KMT2D: variants seen among roughly 807,000 people sequenced by gnomAD.
KMT2D encodes lysine methyltransferase 2D, also known as histone-lysine N-methyltransferase 2D.
Under a neutral mutation model 512.7 loss-of-function variants are expected in KMT2D, and 55 were observed. The observed-to-expected ratio is 0.11, with a 90% confidence interval of 0.09 to 0.13. The LOEUF (loss-of-function observed/expected upper bound fraction) is 0.13. KMT2D is among the 10% of genes least tolerant of loss of function. The probability of loss-of-function intolerance (pLI) is 1.00; values close to 1 mark genes in which losing one functional copy is unlikely to be tolerated. For missense variants in KMT2D, 6,061 were observed against 7,127.9 expected (o/e 0.85, Z 5.39); for synonymous variants, 2,995 against 2,904.0 (o/e 1.03, Z -1.01).
rs1420061777 is a variant in KMT2D at position 49,029,175 on chromosome 12, T to C, written c.14137A>G (p.Ser4713Gly). The change falls in exon 45 of 55, where the codon AGC (serine) becomes GGC (glycine). Residue 4713 changes from serine (S) to glycine (G), a missense_variant. Ser to Gly is a moderately conservative substitution (Grantham distance 56, BLOSUM62 0). Transcript: ENST00000301067. ...CGAGGGGCCTCCTCCCCCAAGATGCTCTCAGGGGATGAAGCTGGCACAATG... is the reference window on the plus strand; with the variant it reads ...CGAGGGGCCTCCTCCCCCAAGATGCCCTCAGGGGATGAAGCTGGCACAATG... ...DSIVPASSPE[S>G]ILGEEAPRFP... is the part of the protein sequence containing the mutation. The C allele has an allele frequency of 2.5e-6, 4 of 1,613,742 alleles. No individual in the cohort carries two copies. The highest frequency in any genetic ancestry group is 1.7e-5 in the Admixed American group (1 of 59,988).
chr12:49,052,502 A>G, intron 10 of KMT2D, 62 bp downstream of exon 10: 1 of 1,587,564 alleles, frequency 6.3e-7, no homozygotes, highest in East Asian at 2.2e-5. Context: ...GGCAATGCAC[A>G]AACTGTCTCT....
rs587778472 is a variant in KMT2D, at chr12:49,038,661, C to T, written c.8695G>A (p.Gly2899Ser). The change falls in exon 35 of 55, where the codon GGC becomes AGC. Residue 2899 changes from glycine (G) to serine (S), a missense_variant. Physicochemically the swap from Gly to Ser is moderately conservative, Grantham distance 56 (BLOSUM62 0). Coordinates refer to ENST00000301067, the MANE Select transcript of KMT2D (RefSeq NM_003482.4). The surrounding 1 kb of genome is among the most constrained non-coding windows in gnomAD (Gnocchi z 5.7). ...GPGGTPFPGQ[G>S]PPQRPRFYPV... Reference sequence around the variant, plus strand: ...TAAAAACGGGGTCTCTGAGGTGGGCCCTGACCAGGAAACGGAGTGCCCCCA... The same window carrying T: ...TAAAAACGGGGTCTCTGAGGTGGGCTCTGACCAGGAAACGGAGTGCCCCCA... 24 of 1,612,930 alleles carry T rather than the reference C, an allele frequency of 1.5e-5. No homozygotes were observed. The highest frequency in any genetic ancestry group is 3.3e-4 in the Middle Eastern group (2 of 6,062).
chr12:49,027,180 G>T lies in KMT2D; in HGVS notation c.14786C>A (p.Pro4929His), dbSNP rs2120369125. The part of the protein sequence containing the change: ...SPLAPSPASP[P>H]TEPLVELPTE... ...GGGAAGTTCAACCAAGGGCTCAGTAGGGGGACTGGCAGGAGAAGGTGCCAA... is the reference window on the plus strand; with the variant it reads ...GGGAAGTTCAACCAAGGGCTCAGTATGGGGACTGGCAGGAGAAGGTGCCAA... The change falls in exon 49 of 55, where the codon CCT becomes CAT. Residue 4929 changes from proline (P) to histidine (H), a missense_variant. This residue lies in a region of KMT2D where 1,600 missense variants were observed against 1,754.9 expected (regional missense o/e 0.91). Transcript: ENST00000301067. 2 of 1,552,282 alleles carry T rather than the reference G, an allele frequency of 1.3e-6. No homozygotes were observed. Among genetic ancestry groups the T allele is most frequent in the Middle Eastern group, 1.7e-4 (1 of 5,728 alleles).
At chr12:49,059,286 T>C (rs1436673134) in intron 1 of KMT2D, among the ~76,000 whole-genome samples, 3 of 152,030 alleles carry the variant, frequency 2.0e-5, no homozygotes, top group African/African-American at 4.8e-5. Context: ...CAGCCTGGGA[T>C]TGGTGCTGGC....
In KMT2D at chr12:49,019,120, G is replaced by C; in HGVS notation, c.*2660C>G. The stretch of plus-strand genomic sequence containing the variant: ...TACAAAACATGCCAAGGACAGGGGC[G>C]CTGAGGGTGGAGGGAGAGAGGGCGC... On this transcript the variant is annotated 3_prime_UTR_variant, in exon 55 of 55. Coordinates refer to ENST00000301067, the MANE Select transcript of KMT2D (RefSeq NM_003482.4). 2.6e-6 allele frequency: 3 copies of C among 1,160,384 alleles called. No individual in the cohort carries two copies. Among genetic ancestry groups the C allele is most frequent in the Non-Finnish European group, 3.2e-6 (3 of 937,490 alleles). The allele number at this position is 1,160,384 out of a possible 1,614,324, so 71.9% of individuals were successfully genotyped here.
In KMT2D at chr12:49,044,061, G is replaced by GAC; in HGVS notation, c.5189-65_5189-64dup. 1 of 1,606,004 alleles carries GAC rather than the reference G, an allele frequency of 6.2e-7. No individual in the cohort carries two copies. The highest frequency in any genetic ancestry group is 8.5e-7 in the Non-Finnish European group (1 of 1,175,654). On this transcript the variant is annotated intron_variant, in intron 22 of 54. Coordinates refer to ENST00000301067, the MANE Select transcript of KMT2D (RefSeq NM_003482.4). This position sits in a 1 kb window ranked among gnomAD's most constrained non-coding sequence, Gnocchi z 6.4. ...GCATGCTGCTCCCAACTTGCAGGGTGACACTTTGTGCCTACTCTCTCCCAC... is the reference window on the plus strand; with the variant it reads ...GCATGCTGCTCCCAACTTGCAGGGTGACACACTTTGTGCCTACTCTCTCCCAC...
At position 49,031,110 on chromosome 12, in the gene KMT2D, C is replaced by T. The variant is rs2120415916; in HGVS notation, c.13530+65G>A. On this transcript the variant is annotated intron_variant, in intron 40 of 54. Coordinates refer to ENST00000301067, the MANE Select transcript of KMT2D (RefSeq NM_003482.4). ...ATCTCTTCTGTCTGACCCAGGCTCA[C>T]TCATTCTGCCCCCCGCTGGCTCTAG... 19 of 1,610,716 alleles carry T rather than the reference C, an allele frequency of 1.2e-5. No homozygotes were observed. In the South Asian group the frequency reaches 2.1e-4, roughly 18 times the overall value.
At position 49,052,130 on chromosome 12, in the gene KMT2D, G is replaced by A. The variant is rs374041240; in HGVS notation, c.1553C>T (p.Ser518Leu). 1.2e-5 allele frequency: 19 copies of A among 1,612,976 alleles called. No individual in the cohort carries two copies. The highest frequency in any genetic ancestry group is 3.3e-4 in the Middle Eastern group (2 of 6,074). ...ESSPFSPLEE[S>L]PLSPPEESPP... is the part of the protein sequence containing the mutation. The stretch of plus-strand genomic sequence containing the variant: ...TGACTCTTCCGGTGGAGACAAGGGC[G>A]ACTCCTCCAGTGGAGAAAAAGGTGA... Residue 518 changes from serine (S) to leucine (L), a missense_variant, in exon 11 of 55, where the codon TCG becomes TTG. Ser to Leu is a moderately radical substitution (Grantham distance 145). This residue lies in a region of KMT2D where 848 missense variants were observed against 838.5 expected (regional missense o/e 1.01). Coordinates refer to ENST00000301067, the MANE Select transcript of KMT2D (RefSeq NM_003482.4).
At position 49,045,127 on chromosome 12, in the gene KMT2D, GGCCCGAGTTCTCTGTCAGT is replaced by G. The variant is rs958833379; in HGVS notation, c.4742-181_4742-163del. Among the ~76,000 whole-genome samples, 10 of 152,322 alleles carry G rather than the reference GGCCCGAGTTCTCTGTCAGT, an allele frequency of 6.6e-5. No individual in the cohort carries two copies. In the South Asian group the frequency reaches 1.7e-3, roughly 25 times the overall value. On this transcript the variant is annotated intron_variant, in intron 19 of 54. Coordinates refer to ENST00000301067, the MANE Select transcript of KMT2D (RefSeq NM_003482.4). ...CAGGCCACCAAGGGGCACTGGCTGAGGCCCGAGTTCTCTGTCAGTGACCCAGGGAGATTCAGAGAGGAAC... is the reference window on the plus strand; with the variant it reads ...CAGGCCACCAAGGGGCACTGGCTGAGGACCCAGGGAGATTCAGAGAGGAAC...
chr12:49,051,128 G>T lies in KMT2D; in HGVS notation c.2555C>A (p.Ser852Tyr), dbSNP rs1390987389. ...LSPRPEESHL[S>Y]PELEKPPLSP... ...CAGGGGTGGCTTCTCAAGCTCAGGG[G>T]ACAGATGCGATTCCTCAGGCCGGGG... The change falls in exon 11 of 55, where the codon TCC becomes TAC. Residue 852 changes from serine to tyrosine, a missense_variant. By Grantham distance (144) the Ser-to-Tyr change is moderately radical (BLOSUM62 -2). Transcript: ENST00000301067. The T allele has an allele frequency of 3.0e-5, 45 of 1,521,586 alleles. No homozygotes were observed. Among genetic ancestry groups the T allele is most frequent in the Non-Finnish European group, 3.7e-5 (42 of 1,135,750 alleles). The allele number at this position is 1,521,586 out of a possible 1,614,324, so 94.3% of individuals were successfully genotyped here.
rs772721960 is a variant in KMT2D, at chr12:49,044,542, A to C, written c.4964-20T>G. ...CACCACCTGCGTATGGTGACAGAAG[A>C]GATGGAGGCAAATCAGAACTATAGG... On this transcript the variant is annotated intron_variant, in intron 20 of 54. Coordinates refer to ENST00000301067, the MANE Select transcript of KMT2D (RefSeq NM_003482.4). The surrounding 1 kb of genome is among the most constrained non-coding windows in gnomAD (Gnocchi z 6.4). The C allele has an allele frequency of 7.4e-6, 12 of 1,612,402 alleles. No individual in the cohort carries two copies. The Admixed American group carries it at 1.0e-4, about 13-fold the overall frequency.
At chr12:49,030,480 A>G in intron 42 of KMT2D, 41 bp from the exon 43 acceptor site, 7 of 1,331,322 alleles carry the variant, frequency 5.3e-6, no homozygotes, top group Non-Finnish European at 7.4e-6. Flanking sequence ...AAGATGGCAT[A>G]GGGAGACTGA....
In KMT2D at chr12:49,030,643, C is replaced by T. The variant is rs727503980; in HGVS notation, c.13797G>A (p.Ala4599=). 4.4e-6 allele frequency: 7 copies of T among 1,606,002 alleles called. No homozygotes were observed. Among genetic ancestry groups the T allele is most frequent in the East Asian group, 2.2e-5 (1 of 44,754 alleles). The change falls in exon 42 of 55, where the codon GCG becomes GCA. Residue 4599 remains alanine, a synonymous_variant. Transcript: ENST00000301067. ...AATAGTAGTCAGGGCCAGTGGGCAG[C>T]GCCCCACTTCCAAAGGCCCCCCTCA... The part of the protein sequence containing the change: ...SQLRGAFGSG[A]LPTGPDYYSQ...
In KMT2D at chr12:49,033,566, T is replaced by C. The variant is rs1943062687; in HGVS notation, c.11139A>G (p.Ser3713=). The part of the protein sequence containing the change: ...NLALRSLGPD[S]RLLQERQLQL... ...GCAGCTGCCTTTCCTGTAAAAGCCTTGAATCAGGTCCGAGGCTTCGAAGAG... is the reference window on the plus strand; with the variant it reads ...GCAGCTGCCTTTCCTGTAAAAGCCTCGAATCAGGTCCGAGGCTTCGAAGAG... Residue 3713 remains serine (S), a synonymous_variant, in exon 40 of 55, where the codon TCA becomes TCG. Coordinates refer to ENST00000301067, the MANE Select transcript of KMT2D (RefSeq NM_003482.4). The C allele has an allele frequency of 6.2e-7, 1 of 1,613,276 alleles. No individual in the cohort carries two copies. Among genetic ancestry groups the C allele is most frequent in the South Asian group, 1.1e-5 (1 of 91,078 alleles).
At chr12:49,047,406 CTTTTTTTTTTTTTTTT>C (rs57252968) in intron 15 of KMT2D, among the ~76,000 whole-genome samples, 1 of 93,882 alleles carries the variant, frequency 1.1e-5, no homozygotes, top group Non-Finnish European at 2.0e-5. Flanking sequence ...CCAGTTTTTC[CTTTTTTTTTTTTTTTT>C]TTTTTTTTTG....
chr12:49,055,287 G>A lies in KMT2D; in HGVS notation c.38C>T (p.Ser13Leu), dbSNP rs2120718294. 1 of 1,614,030 alleles carries A rather than the reference G, an allele frequency of 6.2e-7. No individual in the cohort carries two copies. The highest frequency in any genetic ancestry group is 8.5e-7 in the Non-Finnish European group (1 of 1,179,886). The change falls in exon 2 of 55, where the codon TCA becomes TTA. Residue 13 changes from serine (S) to leucine (L), a missense_variant. Ser to Leu is a moderately radical substitution (Grantham distance 145). Coordinates refer to ENST00000301067, the MANE Select transcript of KMT2D (RefSeq NM_003482.4). ...SQKLAGEDKDSEPAADGPAAS... is the reference protein window; with the variant it reads ...SQKLAGEDKDLEPAADGPAAS... Reference sequence around the variant, plus strand: ...TTTGTCCTACTCACCTGCCGGTTCTGAATCTTTATCCTCACCAGCCAGCTT... The same window carrying A: ...TTTGTCCTACTCACCTGCCGGTTCTAAATCTTTATCCTCACCAGCCAGCTT...
In KMT2D at chr12:49,026,300, G is replaced by T. The variant is rs772529182; in HGVS notation, c.15666C>A (p.Asn5222Lys). 21 of 1,612,018 alleles carry T rather than the reference G, an allele frequency of 1.3e-5. No homozygotes were observed. Among genetic ancestry groups the T allele is most frequent in the Non-Finnish European group, 1.8e-5 (21 of 1,178,156 alleles). Residue 5222 changes from asparagine (N) to lysine (K), a missense_variant, in exon 49 of 55, where the codon AAC becomes AAA. By Grantham distance (94) the Asn-to-Lys change is moderately conservative (BLOSUM62 0). This residue lies in a region of KMT2D where 261 missense variants were observed against 440.7 expected (regional missense o/e 0.59). Coordinates refer to ENST00000301067, the MANE Select transcript of KMT2D (RefSeq NM_003482.4). This position sits in a 1 kb window ranked among gnomAD's most constrained non-coding sequence, Gnocchi z 9.6. ...AACAGCGATAGCAGCAGCGACGATT[G>T]TTGGTGCGGAGGCTCCAATAGATGC... ...ATRIYWSLRT[N>K]NRRCCYRCSI...
rs2120387765 is a variant in KMT2D, at chr12:49,028,913, G to A, written c.14297C>T (p.Pro4766Leu). 6.2e-7 allele frequency: 1 copy of A among 1,614,022 alleles called. No homozygotes were observed. The highest frequency in any genetic ancestry group is 8.5e-7 in the Non-Finnish European group (1 of 1,179,892). ...KPYGALGLEV[P>L]GKLPVTTWEK... Reference sequence around the variant, plus strand: ...CCAAGTTGTGACAGGCAGCTTTCCAGGGACCTCCAGGCCAAGGGCCCCATA... The same window carrying A: ...CCAAGTTGTGACAGGCAGCTTTCCAAGGACCTCCAGGCCAAGGGCCCCATA... Residue 4766 changes from proline to leucine, a missense_variant, in exon 46 of 55, where the codon CCT (proline) becomes CTT (leucine). Transcript: ENST00000301067.
chr12:49,037,094 G>A, intron 35 of KMT2D, 31 bp downstream of exon 35: 1 of 1,536,412 alleles, frequency 6.5e-7, no homozygotes, highest in Non-Finnish European at 8.8e-7. Context: ...ATCACCCTGA[G>A]TAACTTGGCT....
Sources: gnomAD v4.1 joint callset for allele counts (sites outside exome capture counted in the v4.1 genomes callset) on GRCh38, gnomAD v4.1.1 for gene constraint, gnomAD v4.1.1 regional missense constraint, Gnocchi (gnomAD v3.1) non-coding constraint, MANE v1.5 for transcripts, NCBI Gene and HGNC (gene_info 2026-07-23, HGNC 2026-07-21) for gene names.